Variants in GLIPR1L2 observed in about 807,000 individuals in gnomAD.
The protein encoded by GLIPR1L2 is GLIPR1 like 2.
Under a neutral mutation model 28.4 loss-of-function variants are expected in GLIPR1L2, and 21 were observed. The ratio of observed to expected loss-of-function variants is 0.74; its 90% CI spans 0.52 to 1.06. The LOEUF (loss-of-function observed/expected upper bound fraction) is 1.06. GLIPR1L2 is among the 50% of genes least tolerant of loss of function. The pLI is 0.00. For synonymous variants in GLIPR1L2, 145 were observed against 139.3 expected, an observed-to-expected ratio of 1.04 and a Z score of -0.29; for missense variants, 476 against 416.9, an observed-to-expected ratio of 1.14 and a Z score of -1.23.
chr12:75,413,644 G>A lies in GLIPR1L2; in HGVS notation c.527G>A (p.Cys176Tyr). 3.2e-6 allele frequency: 5 copies of A among 1,567,562 alleles called. No homozygotes were observed. The highest frequency in any genetic ancestry group is 4.3e-6 in the Non-Finnish European group (5 of 1,160,928). ...SYKVGCAVTPCSKIGHIIHAA... is the reference protein window; with the variant it reads ...SYKVGCAVTPYSKIGHIIHAA... ...AAAGTTGGTTGTGCTGTTACTCCAT[G>A]TTCAAAAATTGGACATATTATACAT... Residue 176 changes from cysteine to tyrosine, a missense_variant, in exon 3 of 6, where the codon TGT becomes TAT. By Grantham distance (194) the Cys-to-Tyr change is radical. Coordinates refer to ENST00000550916, the MANE Select transcript of GLIPR1L2 (RefSeq NM_001270396.2).
chr12:75,413,422 T>C (rs2045891380), intron 2 of GLIPR1L2, among the ~76,000 whole-genome samples, 176 bp from the exon 3 acceptor site: 1 of 152,000 alleles, frequency 6.6e-6, no homozygotes, highest in Non-Finnish European at 1.5e-5. Context: ...AATATAGTGT[T>C]GAAAATGCTG....
intron 1 of GLIPR1L2, among the ~76,000 whole-genome samples, chr12:75,394,762 G>GAAAAAAAA (rs1566062568): frequency 3.6e-4 from 9 of 24,734 alleles, no homozygotes; most frequent in Admixed American, 4.9e-4. Context: ...TTGTATTTCT[G>GAAAAAAAA]CAAAAAAAAA....
Position 75,431,140 on chromosome 12 carries a change from G to T in GLIPR1L2, c.1014G>T (p.Lys338Asn), listed in dbSNP as rs1399224153. ...AGGAGGAGGAAACACAAAAAGAAAA[G>T]ATGGAGGAAGAGGAAAAATAAGAGT... ...EEEEEETQKE[K>N]MEEEEK The change falls in exon 6 of 6, where the codon AAG (lysine) becomes AAT (asparagine). Residue 338 changes from lysine (K) to asparagine (N), a missense_variant. Lys to Asn is a moderately conservative substitution (Grantham distance 94). Transcript: ENST00000550916. 11 of 814,292 alleles carry T rather than the reference G, an allele frequency of 1.4e-5. No homozygotes were observed. In the South Asian group the frequency reaches 1.7e-4, roughly 13 times the overall value. The allele number at this position is 814,292 out of a possible 1,614,324, so 50.4% of individuals were successfully genotyped here.
At chr12:75,397,127 T>A (rs1211337491) in intron 1 of GLIPR1L2, among the ~76,000 whole-genome samples, 1 of 152,138 alleles carries the variant, frequency 6.6e-6, no homozygotes, top group Non-Finnish European at 1.5e-5. Flanking sequence ...CTCCATTTTC[T>A]CCCTACAGTC....
At chr12:75,429,975 C>T (rs1310915333) in intron 4 of GLIPR1L2, among the ~76,000 whole-genome samples, 1 of 129,184 alleles carries the variant, frequency 7.7e-6, no homozygotes, top group Admixed American at 9.1e-5. Context: ...CTTGCTCTGT[C>T]GCCAGGCTGG....
At chr12:75,391,490 G>A in intron 1 of GLIPR1L2, 140 bp downstream of exon 1, 4 of 1,543,670 alleles carry the variant, frequency 2.6e-6, no homozygotes, top group Non-Finnish European at 3.5e-6. Flanking sequence ...TAAAGTACAC[G>A]TGAAGTTTAC....
chr12:75,391,517 G>A, intron 1 of GLIPR1L2, 167 bp downstream of exon 1: 1 of 1,534,246 alleles, frequency 6.5e-7, no homozygotes, highest in Non-Finnish European at 8.7e-7. Context: ...AAAAACTGCG[G>A]ACACTCTAAC....
chr12:75,420,508 A>G (rs2045966522), intron 3 of GLIPR1L2, among the ~76,000 whole-genome samples: 1 of 152,186 alleles, frequency 6.6e-6, no homozygotes, highest in Admixed American at 6.5e-5. Flanking sequence ...TACTGAGGCT[A>G]TGGCCAGATA....
In GLIPR1L2 at chr12:75,422,889, CTTTT is replaced by C; in HGVS notation, c.585-12_585-9del. On this transcript the variant is annotated splice_polypyrimidine_tract_variant and intron_variant, in intron 3 of 5. Coordinates refer to ENST00000550916, the MANE Select transcript of GLIPR1L2 (RefSeq NM_001270396.2). ...GCTTATTCTAACTAAATGTTTTCTGCTTTTTTGTTTGTAGAGGAACACTGACGAG... is the reference window on the plus strand; with the variant it reads ...GCTTATTCTAACTAAATGTTTTCTGCTTGTTTGTAGAGGAACACTGACGAG... 6.3e-7 allele frequency: 1 copy of C among 1,582,578 alleles called. No individual in the cohort carries two copies. The highest frequency in any genetic ancestry group is 8.5e-7 in the Non-Finnish European group (1 of 1,169,854).
chr12:75,401,827 TAA>T (rs2045745031), intron 1 of GLIPR1L2, among the ~76,000 whole-genome samples: 1 of 151,518 alleles, frequency 6.6e-6, no homozygotes, highest in Non-Finnish European at 1.5e-5. Context: ...ACACATGACA[TAA>T]ATAAAGGAAA....
intron 4 of GLIPR1L2, among the ~76,000 whole-genome samples, chr12:75,430,260 C>G (rs1229169488): frequency 3.9e-5 from 6 of 152,142 alleles, no homozygotes; most frequent in African/African-American, 7.2e-5. Context: ...ATAGAGCTAA[C>G]TTTACCTTCT....
Position 75,427,417 on chromosome 12 carries a change from G to A in GLIPR1L2, c.671-3298G>A, listed in dbSNP as rs116980245. ...TAGAAATCATTACATAAAATATAAAGTAAGACCAAGCGCAAAAGGCTAAAA... is the reference window on the plus strand; with the variant it reads ...TAGAAATCATTACATAAAATATAAAATAAGACCAAGCGCAAAAGGCTAAAA... On this transcript the variant is annotated intron_variant, in intron 4 of 5. Coordinates refer to ENST00000550916, the MANE Select transcript of GLIPR1L2 (RefSeq NM_001270396.2). Among the ~76,000 whole-genome samples the A allele has an allele frequency of 3.3e-5, 5 of 152,064 alleles. No individual in the cohort carries two copies. The East Asian group carries it at 5.8e-4, about 18-fold the overall frequency.
chr12:75,391,271 A>C lies in GLIPR1L2; in HGVS notation c.155A>C (p.Asp52Ala), dbSNP rs1411532135. The change falls in exon 1 of 6, where the codon GAC (aspartate) becomes GCC (alanine). Residue 52 changes from aspartate (D) to alanine (A), a missense_variant. Physicochemically the swap from Asp to Ala is moderately radical, Grantham distance 126. Coordinates refer to ENST00000550916, the MANE Select transcript of GLIPR1L2 (RefSeq NM_001270396.2). Reference protein sequence around the residue: ...ARFLPDEEDVDFINEYVNLHN... With the variant: ...ARFLPDEEDVAFINEYVNLHN... ...TTTTTGCCAGACGAGGAGGACGTAG[A>C]CTTTATCAACGAGTACGTGAACCTC... is the stretch of plus-strand genomic sequence containing the variant. 1.2e-6 allele frequency: 2 copies of C among 1,614,194 alleles called. No individual in the cohort carries two copies. The highest frequency in any genetic ancestry group is 3.3e-5 in the Admixed American group (2 of 60,026).
At chr12:75,420,964 C>T (rs541564782) in intron 3 of GLIPR1L2, among the ~76,000 whole-genome samples, 1 of 152,314 alleles carries the variant, frequency 6.6e-6, no homozygotes, top group Admixed American at 6.5e-5. Flanking sequence ...TGCCTTCCCA[C>T]AGTTTTTCCA....
chr12:75,412,482 T>G (rs571098727), intron 2 of GLIPR1L2, among the ~76,000 whole-genome samples: 52 of 151,906 alleles, frequency 3.4e-4, no homozygotes, highest in African/African-American at 1.3e-3. Flanking sequence ...TACAATGAAC[T>G]CAAACAAATT....
At chr12:75,402,986 C>T (rs1041623119) in intron 1 of GLIPR1L2, 5 of 456,752 alleles carry the variant, frequency 1.1e-5, no homozygotes, top group African/African-American at 1.0e-4. Flanking sequence ...ACTTTGTTAA[C>T]AAGTGTCATG....
intron 1 of GLIPR1L2, among the ~76,000 whole-genome samples, chr12:75,400,836 C>A (rs957784778): frequency 2.0e-5 from 3 of 152,036 alleles, no homozygotes; most frequent in Non-Finnish European, 4.4e-5. Flanking sequence ...TGTATTAGGG[C>A]TAGCATTCCT....
chr12:75,391,916 G>A lies in GLIPR1L2; in HGVS notation c.234+566G>A, dbSNP rs141027127. On this transcript the variant is annotated intron_variant, in intron 1 of 5. Coordinates refer to ENST00000550916, the MANE Select transcript of GLIPR1L2 (RefSeq NM_001270396.2). Reference sequence around the variant, plus strand: ...TGCCCATTCCAAATTTGGCTCCTAAGGAAGTGTCTCAGTTTCCTCACCCTA... The same window carrying A: ...TGCCCATTCCAAATTTGGCTCCTAAAGAAGTGTCTCAGTTTCCTCACCCTA... Among the ~76,000 whole-genome samples, 174 of 150,588 alleles carry A rather than the reference G, an allele frequency of 1.2e-3. 1 individual carries two copies. The highest frequency in any genetic ancestry group is 3.9e-3 in the African/African-American group (160 of 40,918).
rs770493107 is a variant in GLIPR1L2, at chr12:75,413,650, A to C, written c.533A>C (p.Lys178Thr). 4 of 1,568,364 alleles carry C rather than the reference A, an allele frequency of 2.6e-6. No homozygotes were observed. The East Asian group carries it at 9.5e-5, about 37-fold the overall frequency. The change falls in exon 3 of 6, where the codon AAA becomes ACA. Residue 178 changes from lysine to threonine, a missense_variant. By Grantham distance (78) the Lys-to-Thr change is moderately conservative. Transcript: ENST00000550916. ...GGTTGTGCTGTTACTCCATGTTCAAAAATTGGACATATTATACATGCAGCA... is the reference window on the plus strand; with the variant it reads ...GGTTGTGCTGTTACTCCATGTTCAACAATTGGACATATTATACATGCAGCA... ...KVGCAVTPCS[K>T]IGHIIHAAIF...
Sources: allele counts gnomAD v4.1 joint callset (sites outside exome capture counted in the v4.1 genomes callset), GRCh38; gene constraint gnomAD v4.1.1; transcripts MANE v1.5; gene names NCBI Gene and HGNC (gene_info 2026-07-23, HGNC 2026-07-21).